The following NRK variants were observed in gnomAD, a reference collection of about 807,000 sequenced individuals.
NRK encodes the protein nik-related protein kinase.
A neutral mutation model predicts 125.2 loss-of-function variants in NRK; 67 were observed. The ratio of observed to expected loss-of-function variants is 0.54; its 90% confidence interval spans 0.44 to 0.66. The LOEUF is 0.66. NRK is among the 30% of genes least tolerant of loss of function. NRK has a pLI of 0.00. For synonymous variants in NRK, 458 were observed against 429.0 expected, an observed-to-expected ratio of 1.07 and a Z score of -0.84; for missense variants, 1,224 against 1,192.9, an observed-to-expected ratio of 1.03 and a Z score of -0.38.
chrX:105,880,267 A>G lies in NRK; in HGVS notation c.180+12A>G. The G allele has an allele frequency of 1.1e-6, 1 of 924,449 alleles. No individual in the cohort carries two copies. The highest frequency in any genetic ancestry group is 1.5e-6 in the Non-Finnish European group (1 of 679,035). 76.2% of individuals were successfully genotyped at this position (924,449 alleles called of 1,213,427 possible). ...TGAACGCTCGTAAGGTAATATTATA[A>G]ATTGCCTGTATTCTCTTCCCTTAGT... On this transcript the variant is annotated intron_variant, in intron 3 of 28. Coordinates refer to ENST00000243300, the MANE Select transcript of NRK (RefSeq NM_198465.4).
chrX:105,923,522 G>A (rs1272017151), intron 18 of NRK, 40 bp downstream of exon 18: 7 of 997,498 alleles, frequency 7.0e-6, no homozygotes, highest in Non-Finnish European at 9.3e-6. Flanking sequence ...CATGTTTTAT[G>A]ACTGCAGAGC....
chrX:105,926,559 A>G (rs2040526152), intron 19 of NRK, among the ~76,000 whole-genome samples: 1 of 110,562 alleles, frequency 9.0e-6, no homozygotes, highest in African/African-American at 3.3e-5. Flanking sequence ...CTTTGGTCCT[A>G]TTCTTTTTTC....
chrX:105,943,997 T>C lies in NRK; in HGVS notation c.4015T>C (p.Tyr1339His), dbSNP rs1421389660. Residue 1339 changes from tyrosine (Y) to histidine (H), a missense_variant, in exon 24 of 29, where the codon TAT becomes CAT. Tyr to His is a moderately conservative substitution (Grantham distance 83). Transcript: ENST00000243300. ...AIALKSSIHL[Y>H]AWAPKSFDES... Reference sequence around the variant, plus strand: ...TGCTTTGAAATCATCAATTCACCTTTATGCATGGGCACCAAAGTCCTTTGA... The same window carrying C: ...TGCTTTGAAATCATCAATTCACCTTCATGCATGGGCACCAAAGTCCTTTGA... 2.5e-6 allele frequency: 3 copies of C among 1,177,132 alleles called. No homozygotes were observed. Among genetic ancestry groups the C allele is most frequent in the Non-Finnish European group, 2.3e-6 (2 of 868,186 alleles).
chrX:105,870,210 A>G (rs1386757708), intron 2 of NRK, among the ~76,000 whole-genome samples: 1 of 111,968 alleles, frequency 8.9e-6, no homozygotes, highest in Non-Finnish European at 1.9e-5. Context: ...AGCTTCTTAC[A>G]TGGAGAACTA....
At chrX:105,881,007 A>G (rs1225753125) in intron 3 of NRK, among the ~76,000 whole-genome samples, 1 of 111,868 alleles carries the variant, frequency 8.9e-6, no homozygotes, top group African/African-American at 3.2e-5. Flanking sequence ...GCTTTTTCCA[A>G]TTTGTGCAGG....
intron 2 of NRK, among the ~76,000 whole-genome samples, chrX:105,844,694 G>C (rs976292739): frequency 1.8e-5 from 2 of 111,698 alleles, no homozygotes; most frequent in Non-Finnish European, 3.8e-5. Flanking sequence ...ATGAGTGATA[G>C]GTGAGTTGCA....
In NRK at chrX:105,935,328, G is replaced by A. The variant is rs374409180; in HGVS notation, c.3655+3G>A. The A allele has an allele frequency of 1.0e-5, 12 of 1,162,948 alleles. No individual in the cohort carries two copies. The Middle Eastern group carries it at 7.2e-4, about 69-fold the overall frequency. ...GATCTGCTGTGGTTCTTTGTGGGGT[G>A]AGTTTGTTTTGTTTTCTTAAAGAAT... On this transcript the variant is annotated splice_donor_region_variant and intron_variant, in intron 21 of 28. Transcript: ENST00000243300.
At position 105,940,351 on chromosome X, in the gene NRK, C is replaced by T. The variant is rs762746887; in HGVS notation, c.3958+319C>T. On this transcript the variant is annotated intron_variant, in intron 23 of 28. Transcript: ENST00000243300. Reference sequence around the variant, plus strand: ...ACCTTACTTTCTTTCCCAGTCACCCCGAATATTCCAGATAAACCGATTTTT... The same window carrying T: ...ACCTTACTTTCTTTCCCAGTCACCCTGAATATTCCAGATAAACCGATTTTT... 9.1e-5 allele frequency among the ~76,000 whole-genome samples: 10 copies of T among 110,100 alleles called. No individual in the cohort carries two copies. In the South Asian group the frequency reaches 3.9e-3, roughly 43 times the overall value.
At chrX:105,921,808 A>G (rs2040452505) in intron 16 of NRK, among the ~76,000 whole-genome samples, 156 bp from the exon 17 acceptor site, 1 of 108,397 alleles carries the variant, frequency 9.2e-6, no homozygotes, top group Non-Finnish European at 1.9e-5. Flanking sequence ...TCCTGGCCCC[A>G]TGAGAATTTT....
chrX:105,870,033 A>G (rs1228609676), intron 2 of NRK, among the ~76,000 whole-genome samples: 2 of 111,868 alleles, frequency 1.8e-5, no homozygotes, highest in Non-Finnish European at 3.8e-5. Context: ...GGTTAAGCCC[A>G]GACAAACCTT....
intron 2 of NRK, among the ~76,000 whole-genome samples, chrX:105,844,905 T>C (rs1319061152): frequency 3.6e-5 from 4 of 112,082 alleles, no homozygotes; most frequent in East Asian, 2.8e-4. Flanking sequence ...TATATAGTAA[T>C]GTGCTTCCAG....
At chrX:105,828,595 A>G (rs1293098977) in intron 1 of NRK, among the ~76,000 whole-genome samples, 2 of 112,122 alleles carry the variant, frequency 1.8e-5, no homozygotes, top group Non-Finnish European at 3.8e-5. Context: ...TAGTTTACCA[A>G]TAGGAATCAG....
At chrX:105,835,338 A>G (rs1423398876) in intron 2 of NRK, among the ~76,000 whole-genome samples, 2 of 110,759 alleles carry the variant, frequency 1.8e-5, no homozygotes, top group Non-Finnish European at 3.8e-5. Context: ...TCTTTTCTCA[A>G]CTTTCCATAT....
At chrX:105,856,308 A>G (rs758744767) in intron 2 of NRK, among the ~76,000 whole-genome samples, 1 of 111,851 alleles carries the variant, frequency 8.9e-6, no homozygotes, top group African/African-American at 3.2e-5. Flanking sequence ...ACAGTCTGTA[A>G]TAAAGTGACA....
intron 4 of NRK, among the ~76,000 whole-genome samples, chrX:105,883,130 AC>A (rs1212927177): frequency 2.7e-5 from 3 of 111,950 alleles, no homozygotes; most frequent in African/African-American, 9.7e-5. Flanking sequence ...GTTTTAAATT[AC>A]CCACTTGGTC....
chrX:105,877,187 A>G (rs998297091), intron 2 of NRK, among the ~76,000 whole-genome samples: 2 of 111,470 alleles, frequency 1.8e-5, no homozygotes, highest in African/African-American at 6.5e-5. Flanking sequence ...TCATAAGAAA[A>G]CATCAGCCAA....
chrX:105,833,602 A>G (rs1160330813), intron 2 of NRK, among the ~76,000 whole-genome samples: 1 of 111,717 alleles, frequency 9.0e-6, no homozygotes, highest in African/African-American at 3.2e-5. Flanking sequence ...TCATGTGATA[A>G]TGAACTGTGA....
intron 4 of NRK, among the ~76,000 whole-genome samples, chrX:105,885,082 C>T (rs1420217293): frequency 8.9e-6 from 1 of 112,242 alleles, no homozygotes; most frequent in African/African-American, 3.2e-5. Flanking sequence ...TGAGCCACCA[C>T]GCCAGGCCAA....
intron 2 of NRK, among the ~76,000 whole-genome samples, chrX:105,858,387 T>TG (rs2039559835): frequency 9.1e-6 from 1 of 109,531 alleles, no homozygotes; most frequent in Non-Finnish European, 1.9e-5. Context: ...CTCCAGTTTT[T>TG]TTTTTTTTTT....
Sources: allele counts gnomAD v4.1 joint callset (sites outside exome capture counted in the v4.1 genomes callset), GRCh38; gene constraint gnomAD v4.1.1; transcripts MANE v1.5; gene names NCBI Gene and HGNC (gene_info 2026-07-23, HGNC 2026-07-21).